Variants in CACNA1D observed in about 807,000 individuals in gnomAD.
CACNA1D encodes voltage-dependent L-type calcium channel subunit alpha-1D.
A neutral mutation model predicts 257.1 loss-of-function variants in CACNA1D; 55 were observed. The ratio of observed to expected loss-of-function variants is 0.21; its 90% CI spans 0.17 to 0.27. The LOEUF (loss-of-function observed/expected upper bound fraction) is 0.27. CACNA1D is among the 10% of genes least tolerant of loss of function. The pLI is 1.00. For missense variants in CACNA1D, 1,876 were observed against 2,784.0 expected, an observed-to-expected ratio of 0.67 and a Z score of 7.34; for synonymous variants, 980 against 1,014.9, an observed-to-expected ratio of 0.97 and a Z score of 0.65.
chr3:53,629,874 C>A lies in CACNA1D; in HGVS notation c.484-20905C>A, dbSNP rs114172291. 9.8e-3 allele frequency among the ~76,000 whole-genome samples: 1,498 copies of A among 152,286 alleles called. 31 individuals are homozygous for A. The highest frequency in any genetic ancestry group is 0.034 in the African/African-American group (1,418 of 41,526). On this transcript the variant is annotated intron_variant, in intron 3 of 47. Transcript: ENST00000350061. ...GGACAATGTGATATTTATTTAAATA[C>A]ATATTGCATTGCTGACTGACAGTGT...
At chr3:53,572,627 T>C (rs1023598764) in intron 3 of CACNA1D, among the ~76,000 whole-genome samples, 1 of 152,256 alleles carries the variant, frequency 6.6e-6, no homozygotes, top group African/African-American at 2.4e-5. Flanking sequence ...CTCGAACTCA[T>C]AAGCTGAAGT....
At chr3:53,505,824 C>G (rs1318096620) in intron 3 of CACNA1D, among the ~76,000 whole-genome samples, 1 of 152,196 alleles carries the variant, frequency 6.6e-6, no homozygotes, top group Non-Finnish European at 1.5e-5. Flanking sequence ...GTGCTGGGAC[C>G]TGTCTGAGAA....
intron 3 of CACNA1D, among the ~76,000 whole-genome samples, chr3:53,562,259 C>CA (rs76085097): frequency 0.22 from 32,983 of 151,964 alleles, 4,114 homozygotes; most frequent in Middle Eastern, 0.32. Context: ...ATTATCCCAC[C>CA]AAAAATGTTT....
intron 3 of CACNA1D, among the ~76,000 whole-genome samples, chr3:53,646,156 A>G (rs1002425284): frequency 3.3e-5 from 5 of 152,204 alleles, no homozygotes; most frequent in Admixed American, 3.3e-4. Flanking sequence ...AGGTTGGCCC[A>G]TGACTTGGAG....
intron 3 of CACNA1D, among the ~76,000 whole-genome samples, chr3:53,547,285 T>C (rs904659340): frequency 2.6e-4 from 40 of 152,294 alleles, no homozygotes; most frequent in African/African-American, 9.4e-4. Flanking sequence ...TTGGCTATTA[T>C]GAGAGCAGCT....
At chr3:53,754,815 A>G (rs1382779716) in intron 29 of CACNA1D, among the ~76,000 whole-genome samples, 1 of 152,254 alleles carries the variant, frequency 6.6e-6, no homozygotes, top group Non-Finnish European at 1.5e-5. Flanking sequence ...GGCATGGATT[A>G]TGAAATGGAT....
chr3:53,742,057 C>T (rs979020676), intron 21 of CACNA1D, among the ~76,000 whole-genome samples: 1 of 152,138 alleles, frequency 6.6e-6, no homozygotes, highest in East Asian at 1.9e-4. Flanking sequence ...TGGAGACTCA[C>T]CAAGAAGTGT....
At position 53,754,548 on chromosome 3, in the gene CACNA1D, A is replaced by G. The variant is rs936208259; in HGVS notation, c.3786+866A>G. ...CGCACTGCTTAACAGAGTGCCTGGC[A>G]TGTAGCGCCACGCTGCGGACTGTCG... On this transcript the variant is annotated intron_variant, in intron 29 of 47. Coordinates refer to ENST00000350061, the MANE Select transcript of CACNA1D (RefSeq NM_001128840.3). Among the ~76,000 whole-genome samples the G allele has an allele frequency of 7.2e-5, 11 of 152,226 alleles. 1 individual carries two copies. Among genetic ancestry groups the G allele is most frequent in the Admixed American group, 7.2e-4 (11 of 15,292 alleles).
At chr3:53,710,047 A>C (rs952833727) in intron 9 of CACNA1D, among the ~76,000 whole-genome samples, 3 of 152,128 alleles carry the variant, frequency 2.0e-5, no homozygotes, top group African/African-American at 7.2e-5. Flanking sequence ...TTGGAATCAC[A>C]TATCCAGTCT....
chr3:53,584,766 G>T (rs769317538), intron 3 of CACNA1D, among the ~76,000 whole-genome samples: 2 of 152,204 alleles, frequency 1.3e-5, no homozygotes, highest in Non-Finnish European at 2.9e-5. Flanking sequence ...TGTCGTCTTG[G>T]GTGTATGTGC....
At chr3:53,694,932 C>A (rs999473198) in intron 8 of CACNA1D, among the ~76,000 whole-genome samples, 1 of 152,130 alleles carries the variant, frequency 6.6e-6, no homozygotes, top group East Asian at 1.9e-4. Context: ...TTGGCTTGTT[C>A]TGCTGTGTTT....
chr3:53,532,126 A>G (rs1190523192), intron 3 of CACNA1D, among the ~76,000 whole-genome samples: 1 of 152,202 alleles, frequency 6.6e-6, no homozygotes, highest in East Asian at 1.9e-4. Context: ...GAATTGTCGC[A>G]AAGTTATGTT....
chr3:53,556,825 C>T (rs1051690244), intron 3 of CACNA1D, among the ~76,000 whole-genome samples: 1 of 151,944 alleles, frequency 6.6e-6, no homozygotes, highest in Non-Finnish European at 1.5e-5. Context: ...AAGTGATTCT[C>T]CTGCCTCAGC....
At chr3:53,799,334 A>G (rs4687742) in intron 40 of CACNA1D, among the ~76,000 whole-genome samples, 151,982 of 152,374 alleles carry the variant, frequency 1, 75,796 homozygotes, top group Middle Eastern at 1. Context: ...TCCATGCACC[A>G]TGCATAAGCA....
intron 3 of CACNA1D, among the ~76,000 whole-genome samples, chr3:53,516,788 C>T (rs1256668811): frequency 2.6e-5 from 4 of 152,304 alleles, no homozygotes; most frequent in East Asian, 1.9e-4. Context: ...ACAAGCCATA[C>T]GGTAGTTACT....
At chr3:53,552,662 A>G (rs925641754) in intron 3 of CACNA1D, among the ~76,000 whole-genome samples, 1 of 152,052 alleles carries the variant, frequency 6.6e-6, no homozygotes, top group African/African-American at 2.4e-5. Flanking sequence ...GTTACAGGAC[A>G]TTTCCCTTTC....
chr3:53,767,119 C>T (rs1012250510), intron 30 of CACNA1D, among the ~76,000 whole-genome samples: 1 of 152,154 alleles, frequency 6.6e-6, no homozygotes, highest in Non-Finnish European at 1.5e-5. Flanking sequence ...GTGGGCTTTT[C>T]TAGTGACCCC....
chr3:53,684,768 C>T (rs2094460800), intron 8 of CACNA1D, among the ~76,000 whole-genome samples: 1 of 151,510 alleles, frequency 6.6e-6, no homozygotes, highest in Non-Finnish European at 1.5e-5. Flanking sequence ...ATAGGATAAC[C>T]ATACACAGAA....
rs1575755479 is a variant in CACNA1D at position 53,525,383 on chromosome 3, T to A, written c.483+23663T>A. On this transcript the variant is annotated intron_variant, in intron 3 of 47. Transcript: ENST00000350061. ...AAAATATTAAGTGTTACCTCCATTT[T>A]TTAAATATGAAATAAAGGGCTAGAT... is the stretch of plus-strand genomic sequence containing the variant. Among the ~76,000 whole-genome samples the A allele has an allele frequency of 2.0e-5, 3 of 152,214 alleles. No homozygotes were observed. The East Asian group carries it at 5.8e-4, about 29-fold the overall frequency.
Sources: gnomAD v4.1 joint callset for allele counts (sites outside exome capture counted in the v4.1 genomes callset) on GRCh38, gnomAD v4.1.1 for gene constraint, MANE v1.5 for transcripts, NCBI Gene and HGNC (gene_info 2026-07-23, HGNC 2026-07-21) for gene names.